CHRM3: variants seen among roughly 807,000 people sequenced by gnomAD.
CHRM3 encodes the protein muscarinic acetylcholine receptor M3.
Under a neutral mutation model 41.8 loss-of-function variants are expected in CHRM3, and 11 were observed. The ratio of observed to expected loss-of-function variants is 0.26; its 90% confidence interval spans 0.17 to 0.44. CHRM3 has a LOEUF of 0.44. CHRM3 is among the 20% of genes least tolerant of loss of function. The pLI, the probability that CHRM3 is intolerant of heterozygous loss-of-function variation, is 1.00. For synonymous variants in CHRM3, 297 were observed against 301.4 expected (o/e 0.99, Z 0.15); for missense variants, 571 against 745.4 (o/e 0.77, Z 2.72).
intron 3 of CHRM3, among the ~76,000 whole-genome samples, chr1:239,605,442 A>G (rs1666131606): frequency 6.6e-6 from 1 of 152,208 alleles, no homozygotes; most frequent in South Asian, 2.1e-4. Context: ...GTTTGCATAA[A>G]TACATTCTAC....
intron 6 of CHRM3, among the ~76,000 whole-genome samples, chr1:239,830,593 A>C (rs143798095): frequency 0.012 from 1,845 of 152,304 alleles, 40 homozygotes; most frequent in African/African-American, 0.042. Context: ...AGTCCCAGCT[A>C]CTTGGGAGGC....
chr1:239,842,267 C>A (rs1673873698), intron 6 of CHRM3, among the ~76,000 whole-genome samples: 1 of 151,284 alleles, frequency 6.6e-6, no homozygotes, highest in Non-Finnish European at 1.5e-5. Flanking sequence ...TGTCACCCAG[C>A]CTGGAGTGCA....
chr1:239,648,135 C>T (rs1671902411), intron 4 of CHRM3, among the ~76,000 whole-genome samples: 1 of 152,126 alleles, frequency 6.6e-6, no homozygotes, highest in African/African-American at 2.4e-5. Context: ...TACCCTCTAC[C>T]CTGAAAGAAA....
intron 6 of CHRM3, among the ~76,000 whole-genome samples, chr1:239,860,950 T>C (rs1308345430): frequency 1.3e-5 from 2 of 152,210 alleles, no homozygotes; most frequent in Non-Finnish European, 2.9e-5. Flanking sequence ...CTTTGAGGAC[T>C]ATTCTTATTA....
chr1:239,723,055 T>C (rs571078672), intron 5 of CHRM3, among the ~76,000 whole-genome samples: 1 of 152,040 alleles, frequency 6.6e-6, no homozygotes, highest in East Asian at 2.0e-4. Flanking sequence ...TTTCTCAGTA[T>C]CCTCTGCTTT....
At chr1:239,399,819 G>A (rs908555895) in intron 1 of CHRM3, among the ~76,000 whole-genome samples, 5 of 152,182 alleles carry the variant, frequency 3.3e-5, no homozygotes, top group African/African-American at 1.2e-4. Flanking sequence ...GAGTGCTGAT[G>A]TCACTTTGAC....
At chr1:239,581,640 G>A (rs1462547625) in intron 3 of CHRM3, among the ~76,000 whole-genome samples, 1 of 151,986 alleles carries the variant, frequency 6.6e-6, no homozygotes, top group Non-Finnish European at 1.5e-5. Flanking sequence ...TGGTTTATTG[G>A]CAGCCAACAC....
chr1:239,852,643 C>T (rs1041295892), intron 6 of CHRM3, among the ~76,000 whole-genome samples: 7 of 152,130 alleles, frequency 4.6e-5, no homozygotes, highest in African/African-American at 1.2e-4. Flanking sequence ...GAAAAATGTG[C>T]TCATACAGTC....
rs559358021 is a variant in CHRM3, at chr1:239,606,465, A to G, written c.-312-25759A>G. Reference sequence around the variant, plus strand: ...TTATTTTTGTATTTTTAGTAGAGACAAGGTTTCACTATGTTGGCCAGGCTG... The same window carrying G: ...TTATTTTTGTATTTTTAGTAGAGACGAGGTTTCACTATGTTGGCCAGGCTG... On this transcript the variant is annotated intron_variant, in intron 3 of 6. Coordinates refer to ENST00000676153, the MANE Select transcript of CHRM3 (RefSeq NM_001375978.1). Among the ~76,000 whole-genome samples, 465 of 152,174 alleles carry G rather than the reference A, an allele frequency of 3.1e-3. 3 individuals are homozygous for G. Among genetic ancestry groups the G allele is most frequent in the African/African-American group, 0.011 (454 of 41,530 alleles).
chr1:239,814,057 C>A lies in CHRM3; in HGVS notation c.-146-13195C>A, dbSNP rs74149216. 7.3e-3 allele frequency among the ~76,000 whole-genome samples: 643 copies of A among 87,578 alleles called. 7 individuals carry two copies. The highest frequency in any genetic ancestry group is 0.033 in the African/African-American group (589 of 17,762). The allele number at this position is 87,578 out of a possible 152,430, so 57.5% of individuals were successfully genotyped here. A position where few individuals can be genotyped will look rare whatever the true frequency, so the allele number is the denominator to read the frequency against. ...GGAAAAATAAATAAATAAATAAATACATAAACTAATGCAGAAACAGTCTCA... is the reference window on the plus strand; with the variant it reads ...GGAAAAATAAATAAATAAATAAATAAATAAACTAATGCAGAAACAGTCTCA... On this transcript the variant is annotated intron_variant, in intron 5 of 6. Coordinates refer to ENST00000676153, the MANE Select transcript of CHRM3 (RefSeq NM_001375978.1).
At chr1:239,723,175 T>C (rs749516398) in intron 5 of CHRM3, among the ~76,000 whole-genome samples, 3 of 151,924 alleles carry the variant, frequency 2.0e-5, no homozygotes, top group South Asian at 2.1e-4. Context: ...TTTATTTAGC[T>C]ATACACCAGG....
chr1:239,411,076 C>T (rs1393554639), intron 1 of CHRM3, among the ~76,000 whole-genome samples: 1 of 152,164 alleles, frequency 6.6e-6, no homozygotes, highest in African/African-American at 2.4e-5. Context: ...TCCTGTGTCA[C>T]TAACGAGTTT....
chr1:239,468,663 A>C (rs1665901019), intron 1 of CHRM3, among the ~76,000 whole-genome samples: 1 of 152,246 alleles, frequency 6.6e-6, no homozygotes, highest in African/African-American at 2.4e-5. Context: ...AATTTAAAAC[A>C]GTGAAAATTA....
chr1:239,866,871 G>T (rs553234094), intron 6 of CHRM3, among the ~76,000 whole-genome samples: 1 of 152,150 alleles, frequency 6.6e-6, no homozygotes, highest in East Asian at 1.9e-4. Context: ...GCATACTCAT[G>T]CCATTAGATC....
chr1:239,406,717 T>C (rs1660624807), intron 1 of CHRM3, among the ~76,000 whole-genome samples: 1 of 152,200 alleles, frequency 6.6e-6, no homozygotes, highest in African/African-American at 2.4e-5. Flanking sequence ...ACCCTTTACA[T>C]TTCTGCAAAG....
In CHRM3 at chr1:239,609,301, T is replaced by C. The variant is rs1261602998; in HGVS notation, c.-312-22923T>C. 3.9e-5 allele frequency among the ~76,000 whole-genome samples: 6 copies of C among 152,354 alleles called. No homozygotes were observed. In the East Asian group the frequency reaches 1.2e-3, roughly 29 times the overall value. On this transcript the variant is annotated intron_variant, in intron 3 of 6. Transcript: ENST00000676153. ...TCACTCAGCAAAATTATTTTGAGAT[T>C]TATGTATACTTTTGTGTCTGCCAAT...
intron 3 of CHRM3, among the ~76,000 whole-genome samples, chr1:239,567,986 G>A (rs1040204291): frequency 6.6e-6 from 1 of 152,146 alleles, no homozygotes; most frequent in Non-Finnish European, 1.5e-5. Context: ...CTTCTCTGAA[G>A]GCCTCCTCTG....
intron 5 of CHRM3, chr1:239,704,542 T>C (rs2148133371): frequency 6.6e-6 from 1 of 152,316 alleles, no homozygotes; most frequent in South Asian, 2.1e-4. Context: ...GCAACCTTTT[T>C]CACAAGTAGG....
At chr1:239,775,014 A>G (rs1022000233) in intron 5 of CHRM3, among the ~76,000 whole-genome samples, 1 of 152,166 alleles carries the variant, frequency 6.6e-6, no homozygotes, top group African/African-American at 2.4e-5. Context: ...AAGAACTACT[A>G]TATAGTCTTT....
Sources: allele counts gnomAD v4.1 joint callset (sites outside exome capture counted in the v4.1 genomes callset), GRCh38; gene constraint gnomAD v4.1.1; transcripts MANE v1.5; gene names NCBI Gene and HGNC (gene_info 2026-07-23, HGNC 2026-07-21).